The following CCSER1 variants were observed in gnomAD, a reference collection of about 807,000 sequenced individuals.
The protein encoded by CCSER1 is serine-rich coiled-coil domain-containing protein 1.
A neutral mutation model predicts 82.0 loss-of-function variants in CCSER1; 41 were observed. The observed-to-expected ratio is 0.50, with a 90% CI of 0.39 to 0.65. The LOEUF is 0.65. CCSER1 is among the 30% of genes least tolerant of loss of function. CCSER1 has a pLI of 0.00. For synonymous variants in CCSER1, 414 were observed against 383.9 expected, an observed-to-expected ratio of 1.08 and a Z score of -0.92; for missense variants, 1,119 against 1,064.2, an observed-to-expected ratio of 1.05 and a Z score of -0.72.
chr4:91,171,473 AG>A, intron 10 of CCSER1, among the ~76,000 whole-genome samples: 1 of 152,332 alleles, frequency 6.6e-6, no homozygotes, highest in Non-Finnish European at 1.5e-5. Flanking sequence ...CAGAAGTCAC[AG>A]AAATATTAAA....
chr4:90,597,504 G>C (rs371561231), intron 5 of CCSER1, among the ~76,000 whole-genome samples: 1 of 151,874 alleles, frequency 6.6e-6, no homozygotes, highest in Non-Finnish European at 1.5e-5. Context: ...GATAGTGATC[G>C]TAACACCTCC....
chr4:90,548,966 G>A (rs1233671315), intron 5 of CCSER1, among the ~76,000 whole-genome samples: 1 of 152,012 alleles, frequency 6.6e-6, no homozygotes, highest in African/African-American at 2.4e-5. Flanking sequence ...TGGAAACCAA[G>A]AATTTGCTAG....
At chr4:90,738,050 C>G (rs186630398) in intron 7 of CCSER1, among the ~76,000 whole-genome samples, 1 of 152,188 alleles carries the variant, frequency 6.6e-6, no homozygotes, top group East Asian at 1.9e-4. Flanking sequence ...TTTGAATTCT[C>G]TGTTTGAAAG....
At chr4:90,374,041 T>C (rs1441348129) in intron 3 of CCSER1, among the ~76,000 whole-genome samples, 3 of 152,176 alleles carry the variant, frequency 2.0e-5, no homozygotes, top group African/African-American at 7.2e-5. Context: ...TCTTGTGGCT[T>C]TTGCCAACAT....
At chr4:91,153,058 G>C (rs1287910444) in intron 10 of CCSER1, among the ~76,000 whole-genome samples, 2 of 151,880 alleles carry the variant, frequency 1.3e-5, no homozygotes, top group African/African-American at 2.4e-5. Context: ...ATGTTGGCCT[G>C]CTTGCTAATT....
chr4:90,165,301 A>C (rs1024232599), intron 1 of CCSER1, among the ~76,000 whole-genome samples: 11 of 152,070 alleles, frequency 7.2e-5, no homozygotes, highest in African/African-American at 2.4e-4. Context: ...AAAGAATAGG[A>C]AAACAATTGA....
At chr4:90,749,237 G>C (rs1748122127) in intron 7 of CCSER1, among the ~76,000 whole-genome samples, 1 of 151,686 alleles carries the variant, frequency 6.6e-6, no homozygotes, top group South Asian at 2.1e-4. Flanking sequence ...AAGGGATCCA[G>C]TTTCAGCTTT....
intron 3 of CCSER1, among the ~76,000 whole-genome samples, chr4:90,396,089 AAAAC>A (rs986153204): frequency 3.9e-5 from 6 of 152,102 alleles, no homozygotes; most frequent in African/African-American, 1.2e-4. Flanking sequence ...TCGAAAAACA[AAAAC>A]AAACAAACAA....
intron 10 of CCSER1, among the ~76,000 whole-genome samples, chr4:91,544,992 C>CAAGCCTCAGCAATGGTGGAT (rs912487952): frequency 6.6e-6 from 1 of 152,112 alleles, no homozygotes; most frequent in Non-Finnish European, 1.5e-5. Flanking sequence ...TTTACCTACT[C>CAAGCCTCAGCAATGGTGGAT]AAGCCTCAGC....
chr4:90,293,002 T>C (rs1002920085), intron 1 of CCSER1, among the ~76,000 whole-genome samples: 20 of 151,952 alleles, frequency 1.3e-4, no homozygotes, highest in Non-Finnish European at 2.7e-4. Context: ...AAGATAGTTT[T>C]TTCATTTTCT....
chr4:91,081,809 C>A (rs533675021), intron 9 of CCSER1, among the ~76,000 whole-genome samples: 1 of 152,288 alleles, frequency 6.6e-6, no homozygotes, highest in South Asian at 2.1e-4. Flanking sequence ...AACTCCCATT[C>A]ACAATTGCTT....
At chr4:91,229,534 A>G (rs957257021) in intron 10 of CCSER1, among the ~76,000 whole-genome samples, 2 of 152,160 alleles carry the variant, frequency 1.3e-5, no homozygotes, top group Non-Finnish European at 2.9e-5. Context: ...ACACATGCAC[A>G]TGTATGTTTA....
chr4:90,733,100 C>T (rs1439480346), intron 7 of CCSER1, among the ~76,000 whole-genome samples: 1 of 152,152 alleles, frequency 6.6e-6, no homozygotes, highest in Non-Finnish European at 1.5e-5. Context: ...TCGTGAGGAA[C>T]CTCCAAGTTG....
chr4:90,192,259 CT>C (rs1735781114), intron 1 of CCSER1, among the ~76,000 whole-genome samples: 1 of 151,950 alleles, frequency 6.6e-6, no homozygotes, highest in Non-Finnish European at 1.5e-5. Context: ...GTGAAACTCA[CT>C]CACTATCATG....
chr4:90,149,259 A>G (rs1726371770), intron 1 of CCSER1, among the ~76,000 whole-genome samples: 2 of 152,060 alleles, frequency 1.3e-5, no homozygotes, highest in South Asian at 4.1e-4. Context: ...AGAAAGTAGT[A>G]GAGCAGAAGG....
At chr4:91,142,943 G>A (rs111487903) in intron 10 of CCSER1, among the ~76,000 whole-genome samples, 29 of 132,090 alleles carry the variant, frequency 2.2e-4, no homozygotes, top group African/African-American at 7.7e-4. Context: ...TTTTGCTTAG[G>A]GTTAATTTGG....
chr4:90,490,484 C>A (rs1049678592), intron 5 of CCSER1, among the ~76,000 whole-genome samples: 1 of 152,094 alleles, frequency 6.6e-6, no homozygotes, highest in Non-Finnish European at 1.5e-5. Context: ...CCTGTTCATT[C>A]TGATGGTAGT....
At chr4:90,880,310 C>G (rs1721107972) in intron 8 of CCSER1, among the ~76,000 whole-genome samples, 1 of 152,096 alleles carries the variant, frequency 6.6e-6, no homozygotes, top group African/African-American at 2.4e-5. Context: ...TGCTTGTCTC[C>G]TGGGGGCTCC....
chr4:90,196,295 G>A (rs908277808), intron 1 of CCSER1, among the ~76,000 whole-genome samples: 1 of 151,998 alleles, frequency 6.6e-6, no homozygotes, highest in Admixed American at 6.6e-5. Flanking sequence ...GCAAGAGTTG[G>A]TTGGGTTTTC....
Sources: allele counts gnomAD v4.1 joint callset (sites outside exome capture counted in the v4.1 genomes callset), GRCh38; gene constraint gnomAD v4.1.1; transcripts MANE v1.5; gene names NCBI Gene and HGNC (gene_info 2026-07-23, HGNC 2026-07-21).